Variants in HERC2 observed in about 807,000 individuals in gnomAD.
HERC2 encodes the protein E3 ubiquitin-protein ligase HERC2.
A neutral mutation model predicts 537.7 loss-of-function variants in HERC2; 102 were observed. That is an observed-to-expected ratio of 0.19 (90% CI 0.16 to 0.22). The LOEUF (loss-of-function observed/expected upper bound fraction) is 0.22, where lower values mean the gene tolerates loss of function less well. Among genes scored for constraint, HERC2 ranks in the 10% least tolerant of loss-of-function variants. The pLI, the probability that HERC2 is intolerant of heterozygous loss-of-function variation, is 1.00. For missense variants in HERC2, 4,236 were observed against 6,198.2 expected (o/e 0.68, Z 10.63); for synonymous variants, 2,224 against 2,466.2 (o/e 0.90, Z 2.91).
chr15:28,240,921 A>G (rs1158594557), intron 23 of HERC2, among the ~76,000 whole-genome samples: 1 of 152,214 alleles, frequency 6.6e-6, no homozygotes, highest in Non-Finnish European at 1.5e-5. Context: ...CCTAAAAATA[A>G]GTGCTAAAAC....
chr15:28,302,860 T>A (rs2076672970), intron 2 of HERC2, among the ~76,000 whole-genome samples: 1 of 152,202 alleles, frequency 6.6e-6, no homozygotes, highest in African/African-American at 2.4e-5. Context: ...ATTATTAGAT[T>A]TTTTTCTTAT....
In HERC2 at chr15:28,293,658, A is replaced by G. The variant is rs574519217; in HGVS notation, c.188-636T>C. On this transcript the variant is annotated intron_variant, in intron 3 of 92. Transcript: ENST00000261609. ...AATTGCTTTTATCCAGTGAGTCCCA[A>G]TGCTTGTGTATCCATGGGAAAAGGG... Among the ~76,000 whole-genome samples, 798 of 152,260 alleles carry G rather than the reference A, an allele frequency of 5.2e-3. 3 individuals carry two copies. Among genetic ancestry groups the G allele is most frequent in the African/African-American group, 0.015 (627 of 41,556 alleles).
In HERC2 at chr15:28,214,708, T is replaced by C; in HGVS notation, c.6305A>G (p.Asp2102Gly). ...GGTAGTGAGCAAGCTTCCCAAGAAG[T>C]CAAACAGCTTCTCCACGAGGCATTT... ...DMKCLVEKLF[D>G]FLGSLLTTCS... Residue 2102 changes from aspartate (D) to glycine (G), a missense_variant, in exon 40 of 93, where the codon GAC (aspartate) becomes GGC (glycine). By Grantham distance (94) the Asp-to-Gly change is moderately conservative. Coordinates refer to ENST00000261609, the MANE Select transcript of HERC2 (RefSeq NM_004667.6). 1 of 1,611,964 alleles carries C rather than the reference T, an allele frequency of 6.2e-7. No homozygotes were observed. Among genetic ancestry groups the C allele is most frequent in the Non-Finnish European group, 8.5e-7 (1 of 1,179,830 alleles).
chr15:28,141,804 T>C lies in HERC2; in HGVS notation c.11743A>G (p.Met3915Val), dbSNP rs1000087651. ...TCATGGCTCTCATGCAGAACATCCA[T>C]GTTTTCGCTGTCTGCCATTAATTCA... ...IRELMADSEN[M>V]DVLHESHDIF... Residue 3915 changes from methionine (M) to valine (V), a missense_variant, in exon 77 of 93, where the codon ATG becomes GTG. Around this residue, in one of 27 missense-constraint regions of HERC2, gnomAD observed 156 missense variants for 172.3 expected, o/e 0.91. Coordinates refer to ENST00000261609, the MANE Select transcript of HERC2 (RefSeq NM_004667.6). 3.1e-6 allele frequency: 5 copies of C among 1,614,076 alleles called. No homozygotes were observed. The highest frequency in any genetic ancestry group is 1.7e-5 in the Admixed American group (1 of 60,004).
At chr15:28,179,963 T>C (rs1463319334) in intron 57 of HERC2, among the ~76,000 whole-genome samples, 2 of 152,226 alleles carry the variant, frequency 1.3e-5, no homozygotes, top group Admixed American at 6.5e-5. Context: ...TAATTTATTA[T>C]TAAAGAAAGA....
chr15:28,272,260 G>T lies in HERC2; in HGVS notation c.1038C>A (p.Ser346Arg), dbSNP rs2075752725. ...GGGGTGCATCCTTCCTGCAAATGAT[G>T]CTCTGGAACCTTTGCAGCAAGGGCA... ...PLLPLLQRFQ[S>R]IICRKDAPHS... The change falls in exon 9 of 93, where the codon AGC becomes AGA. Residue 346 changes from serine (S) to arginine (R), a missense_variant. By Grantham distance (110) the Ser-to-Arg change is moderately radical. This residue lies in a region of HERC2 where 491 missense variants were observed against 559.3 expected (regional missense o/e 0.88). Transcript: ENST00000261609. 3 of 1,611,540 alleles carry T rather than the reference G, an allele frequency of 1.9e-6. No individual in the cohort carries two copies. The highest frequency in any genetic ancestry group is 1.7e-5 in the Admixed American group (1 of 59,738).
In HERC2 at chr15:28,200,091, G is replaced by C. The variant is rs183618879; in HGVS notation, c.7717-1322C>G. On this transcript the variant is annotated intron_variant, in intron 48 of 92. Transcript: ENST00000261609. ...GTGGGCCTCTGACACAACAGGACTA[G>C]GGTCTTTATAAGAAGAGACTCCAGG... Among the ~76,000 whole-genome samples, 17 of 152,178 alleles carry C rather than the reference G, an allele frequency of 1.1e-4. No homozygotes were observed. The East Asian group carries it at 3.3e-3, about 29-fold the overall frequency.
intron 65 of HERC2, among the ~76,000 whole-genome samples, chr15:28,171,986 A>C (rs1894747844): frequency 6.6e-6 from 1 of 151,434 alleles, no homozygotes; most frequent in Non-Finnish European, 1.5e-5. Flanking sequence ...GAGGCAGGAG[A>C]ATGGCGTGAA....
intron 16 of HERC2, among the ~76,000 whole-genome samples, chr15:28,259,991 G>T (rs1412426271): frequency 8.3e-6 from 1 of 120,074 alleles, no homozygotes; most frequent in East Asian, 3.3e-4. Flanking sequence ...AAAAAAAAAA[G>T]AGTAGTAAAT....
At chr15:28,167,516 A>G (rs1364278191) in intron 68 of HERC2, among the ~76,000 whole-genome samples, 171 bp downstream of exon 68, 1 of 152,236 alleles carries the variant, frequency 6.6e-6, no homozygotes, top group African/African-American at 2.4e-5. Context: ...AAGCAGTGAC[A>G]GGGACCGTGT....
intron 4 of HERC2, among the ~76,000 whole-genome samples, chr15:28,287,613 G>C (rs1033262569): frequency 2.0e-5 from 3 of 151,944 alleles, no homozygotes; most frequent in Non-Finnish European, 4.4e-5. Flanking sequence ...ACTGACTTAG[G>C]AGCTTCAAAT....
At chr15:28,231,597 C>T (rs1177598737) in intron 30 of HERC2, among the ~76,000 whole-genome samples, 3 of 152,286 alleles carry the variant, frequency 2.0e-5, no homozygotes, top group Non-Finnish European at 4.4e-5. Context: ...AGCACATCCA[C>T]GTGACGCCAC....
intron 52 of HERC2, 98 bp from the exon 53 acceptor site, chr15:28,192,249 A>C: frequency 9.2e-7 from 1 of 1,085,472 alleles, no homozygotes. Context: ...CTTAAAGAAA[A>C]ATAGAAAGTT....
chr15:28,293,160 A>AAT (rs1222954720), intron 3 of HERC2, 138 bp from the exon 4 acceptor site: 7 of 727,898 alleles, frequency 9.6e-6, no homozygotes, highest in Admixed American at 2.7e-5. Flanking sequence ...AAAATACATC[A>AAT]ATCATACCTG....
intron 1 of HERC2, 66 bp from the exon 2 acceptor site, chr15:28,321,530 G>C: frequency 1.3e-6 from 1 of 789,558 alleles, no homozygotes; most frequent in South Asian, 1.7e-5. Context: ...ACTCCCGAAA[G>C]CCAGAAAAGA....
chr15:28,272,096 T>C, intron 9 of HERC2, 119 bp downstream of exon 9: 1 of 917,098 alleles, frequency 1.1e-6, no homozygotes, highest in Non-Finnish European at 1.6e-6. Flanking sequence ...TCGCTGCTAT[T>C]ACCACCAAAC....
chr15:28,249,953 C>A (rs2140842453), intron 20 of HERC2, among the ~76,000 whole-genome samples: 1 of 152,100 alleles, frequency 6.6e-6, no homozygotes, highest in East Asian at 1.9e-4. Flanking sequence ...CCACGCCCGG[C>A]CTAAGGAAAC....
In HERC2 at chr15:28,116,824, C is replaced by T; in HGVS notation, c.13450G>A (p.Glu4484Lys). 1 of 1,613,280 alleles carries T rather than the reference C, an allele frequency of 6.2e-7. No individual in the cohort carries two copies. The highest frequency in any genetic ancestry group is 8.5e-7 in the Non-Finnish European group (1 of 1,179,794). Residue 4484 changes from glutamate (E) to lysine (K), a missense_variant, in exon 88 of 93, where the codon GAG becomes AAG. Glu to Lys is a moderately conservative substitution (Grantham distance 56). Around this residue, in one of 27 missense-constraint regions of HERC2, gnomAD observed 29 missense variants for 102.1 expected, o/e 0.28. Transcript: ENST00000261609. ...TCCTCACAGATCTCAGCTATGGACT[C>T]GCTGTAGCCGCCCCCACAGTCATCC... ...SVDDCGGGYSESIAEICEELQ... is the reference protein window; with the variant it reads ...SVDDCGGGYSKSIAEICEELQ...
intron 78 of HERC2, among the ~76,000 whole-genome samples, chr15:28,141,125 C>A (rs960164748): frequency 6.6e-6 from 1 of 151,776 alleles, no homozygotes; most frequent in African/African-American, 2.4e-5. Context: ...ATAATCCCAG[C>A]TACTTGGGAG....
Sources: allele counts gnomAD v4.1 joint callset (sites outside exome capture counted in the v4.1 genomes callset), GRCh38; gene constraint gnomAD v4.1.1; regional missense constraint gnomAD v4.1.1; transcripts MANE v1.5; gene names NCBI Gene and HGNC (gene_info 2026-07-23, HGNC 2026-07-21).